The following KCNH1 variants were observed in gnomAD, a reference collection of about 807,000 sequenced individuals.
KCNH1 encodes potassium voltage-gated channel subfamily H member 1, also known as voltage-gated delayed rectifier potassium channel KCNH1.
A neutral mutation model predicts 69.2 loss-of-function variants in KCNH1; 27 were observed. The ratio of observed to expected loss-of-function variants is 0.39; its 90% CI spans 0.29 to 0.54. The LOEUF is 0.54. Among genes scored for constraint, KCNH1 ranks in the 20% least tolerant of loss-of-function variants. The pLI, the probability that KCNH1 is intolerant of heterozygous loss-of-function variation, is 0.68. For missense variants in KCNH1, 798 were observed against 1,261.6 expected (o/e 0.63, Z 5.57); for synonymous variants, 456 against 487.7 (o/e 0.93, Z 0.86).
chr1:211,132,983 G>T (rs1467455715), intron 1 of KCNH1: 1 of 152,076 alleles, frequency 6.6e-6, no homozygotes, highest in Admixed American at 6.5e-5. Context: ...TTCCATCCCC[G>T]CTCCTAGGAC....
chr1:211,039,869 A>G (rs1004269394), intron 5 of KCNH1, among the ~76,000 whole-genome samples: 2 of 152,078 alleles, frequency 1.3e-5, no homozygotes, highest in African/African-American at 4.8e-5. Flanking sequence ...TTTGGACTGT[A>G]GACTTTTGGG....
At chr1:210,995,923 T>G (rs944804684) in intron 6 of KCNH1, among the ~76,000 whole-genome samples, 1 of 152,122 alleles carries the variant, frequency 6.6e-6, no homozygotes, top group Non-Finnish European at 1.5e-5. Context: ...TATACCTGGC[T>G]CAGAGGAATC....
intron 6 of KCNH1, among the ~76,000 whole-genome samples, chr1:210,967,708 T>C (rs1316559601): frequency 1.3e-5 from 2 of 152,146 alleles, no homozygotes; most frequent in Admixed American, 1.3e-4. Context: ...TTAATTTCTG[T>C]CAGAGAATAT....
chr1:210,842,309 CA>C (rs1685428938), intron 7 of KCNH1, among the ~76,000 whole-genome samples: 1 of 152,198 alleles, frequency 6.6e-6, no homozygotes, highest in South Asian at 2.1e-4. Context: ...AATAAAACCC[CA>C]AATATAACAA....
intron 9 of KCNH1, among the ~76,000 whole-genome samples, chr1:210,782,326 C>A (rs549309673): frequency 6.6e-6 from 1 of 152,278 alleles, no homozygotes; most frequent in East Asian, 1.9e-4. Context: ...TGTGTCCCCA[C>A]CCCCTCAAAT....
intron 6 of KCNH1, among the ~76,000 whole-genome samples, chr1:210,996,057 C>T (rs904259790): frequency 3.9e-5 from 6 of 152,106 alleles, no homozygotes; most frequent in South Asian, 2.1e-4. Flanking sequence ...CCAGCGTGAG[C>T]GACGGAGAAG....
At chr1:210,954,784 G>C (rs1313449794) in intron 6 of KCNH1, among the ~76,000 whole-genome samples, 1 of 152,054 alleles carries the variant, frequency 6.6e-6, no homozygotes, top group African/African-American at 2.4e-5. Context: ...TAAGTTCTTT[G>C]TAGATTCTGG....
chr1:210,778,400 G>A (rs1287149842), intron 9 of KCNH1, among the ~76,000 whole-genome samples: 1 of 152,112 alleles, frequency 6.6e-6, no homozygotes, highest in Admixed American at 6.6e-5. Flanking sequence ...GCATGCACCT[G>A]TAGTTCCAAC....
At chr1:210,985,839 G>T (rs1688821192) in intron 6 of KCNH1, among the ~76,000 whole-genome samples, 1 of 152,282 alleles carries the variant, frequency 6.6e-6, no homozygotes, top group Admixed American at 6.5e-5. Flanking sequence ...GGATATCCAT[G>T]TTAACTTTCT....
intron 7 of KCNH1, among the ~76,000 whole-genome samples, chr1:210,914,236 C>T (rs1687292907): frequency 6.6e-6 from 1 of 152,280 alleles, no homozygotes; most frequent in Admixed American, 6.5e-5. Context: ...TTCTCAATTG[C>T]TCTGATTCAG....
At chr1:210,840,647 G>A (rs1487208135) in intron 7 of KCNH1, among the ~76,000 whole-genome samples, 1 of 152,296 alleles carries the variant, frequency 6.6e-6, no homozygotes, top group Non-Finnish European at 1.5e-5. Flanking sequence ...GCAAAGCGGG[G>A]TTGCAAAAGC....
intron 7 of KCNH1, among the ~76,000 whole-genome samples, chr1:210,816,167 T>G (rs11119608): frequency 0.22 from 33,296 of 152,078 alleles, 4,080 homozygotes; most frequent in East Asian, 0.5. Context: ...ACAGAGAATA[T>G]AAAACAGATA....
At chr1:210,829,288 G>T (rs1479358588) in intron 7 of KCNH1, among the ~76,000 whole-genome samples, 1 of 152,106 alleles carries the variant, frequency 6.6e-6, no homozygotes, top group East Asian at 1.9e-4. Flanking sequence ...TTCCCTCCCT[G>T]TGTACAGTGC....
At chr1:210,797,213 A>T (rs1684332591) in intron 9 of KCNH1, among the ~76,000 whole-genome samples, 1 of 152,122 alleles carries the variant, frequency 6.6e-6, no homozygotes, top group South Asian at 2.1e-4. Context: ...ACTGGGTTAG[A>T]TGTGCCTCCC....
intron 6 of KCNH1, among the ~76,000 whole-genome samples, chr1:210,980,776 C>T (rs1238502251): frequency 1.3e-5 from 2 of 151,672 alleles, no homozygotes; most frequent in South Asian, 4.2e-4. Context: ...TGAGAAGCAA[C>T]AAATAAGAAG....
chr1:210,712,910 C>T (rs1486868846), intron 10 of KCNH1, among the ~76,000 whole-genome samples: 5 of 152,132 alleles, frequency 3.3e-5, no homozygotes, highest in Non-Finnish European at 5.9e-5. Flanking sequence ...TTCCCCACCC[C>T]TAGTCCCCCA....
At chr1:210,992,918 A>G (rs1688961433) in intron 6 of KCNH1, among the ~76,000 whole-genome samples, 1 of 152,138 alleles carries the variant, frequency 6.6e-6, no homozygotes, top group Non-Finnish European at 1.5e-5. Context: ...CACCATTTGC[A>G]CTACTTTCAT....
At chr1:210,911,677 TA>T (rs1687235542) in intron 7 of KCNH1, among the ~76,000 whole-genome samples, 1 of 151,096 alleles carries the variant, frequency 6.6e-6, no homozygotes, top group Non-Finnish European at 1.5e-5. Context: ...ATATTGTGGG[TA>T]CCTATAAGAT....
chr1:210,880,984 T>A (rs538862359), intron 7 of KCNH1, among the ~76,000 whole-genome samples: 1 of 151,690 alleles, frequency 6.6e-6, no homozygotes, highest in African/African-American at 2.4e-5. Flanking sequence ...CCACATCATA[T>A]ACCATCAGGG....
Sources: gnomAD v4.1 joint callset for allele counts (sites outside exome capture counted in the v4.1 genomes callset) on GRCh38, gnomAD v4.1.1 for gene constraint, MANE v1.5 for transcripts, NCBI Gene and HGNC (gene_info 2026-07-23, HGNC 2026-07-21) for gene names.